SYNE2: variants seen among roughly 807,000 people sequenced by gnomAD.
SYNE2 encodes nesprin-2.
Under a neutral mutation model 856.3 loss-of-function variants are expected in SYNE2, and 431 were observed. That is an observed-to-expected ratio of 0.50 (90% CI 0.47 to 0.55). The LOEUF (loss-of-function observed/expected upper bound fraction) is 0.55. Ranked by LOEUF, SYNE2 falls within the 20% of genes least tolerant of loss-of-function variation. The pLI, the probability that SYNE2 is intolerant of heterozygous loss-of-function variation, is 0.00. For synonymous variants in SYNE2, 2,923 were observed against 2,872.3 expected (o/e 1.02, Z -0.56); for missense variants, 8,129 against 8,023.2 (o/e 1.01, Z -0.50).
intron 96 of SYNE2, among the ~76,000 whole-genome samples, chr14:64,183,091 CGGGCGG>C (rs2153741709): frequency 7.1e-6 from 1 of 141,454 alleles, no homozygotes; most frequent in African/African-American, 2.9e-5. Flanking sequence ...GGGCGGCTGC[CGGGCGG>C]AGGGGCTCCT....
At chr14:64,129,638 G>A (rs2153678085) in intron 74 of SYNE2, 144 bp from the exon 75 acceptor site, 1 of 1,153,178 alleles carries the variant, frequency 8.7e-7, no homozygotes, top group South Asian at 1.4e-5. Context: ...GATTGTTAAG[G>A]AGAGCAGGAG....
At position 64,225,882 on chromosome 14, in the gene SYNE2, T is replaced by C. The variant is rs1020451346; in HGVS notation, c.*356T>C. ...TAGGTATGGTCAATGAGCAGTGGTG[T>C]CCATCACATATATTATAGAAGCAAG... On this transcript the variant is annotated 3_prime_UTR_variant, in exon 116 of 116. Transcript: ENST00000555002. 3.9e-6 allele frequency: 2 copies of C among 516,988 alleles called. No individual in the cohort carries two copies. The highest frequency in any genetic ancestry group is 3.8e-5 in the African/African-American group (2 of 52,700). The allele number at this position is 516,988 out of a possible 1,614,324, so 32.0% of individuals were successfully genotyped here.
chr14:64,202,880 C>G lies in SYNE2; in HGVS notation c.18118C>G (p.Arg6040Gly). The G allele has an allele frequency of 6.2e-7, 1 of 1,614,072 alleles. No homozygotes were observed. The highest frequency in any genetic ancestry group is 8.5e-7 in the Non-Finnish European group (1 of 1,180,022). Residue 6040 changes from arginine (R) to glycine (G), a missense_variant, in exon 100 of 116, where the codon CGA becomes GGA. Arg to Gly is a moderately radical substitution (Grantham distance 125, BLOSUM62 -2). Around this residue, in one of 3 missense-constraint regions of SYNE2, gnomAD observed 5,410 missense variants for 5,284.8 expected, o/e 1.02. Transcript: ENST00000555002. Reference sequence around the variant, plus strand: ...GAGCAACCTTCGCACCTGGTTGGCTCGAATTGAGTCTGAGCTTTCCAAGCC... The same window carrying G: ...GAGCAACCTTCGCACCTGGTTGGCTGGAATTGAGTCTGAGCTTTCCAAGCC... ...NMSNLRTWLA[R>G]IESELSKPVV... is the part of the protein sequence containing the mutation.
chr14:64,042,746 A>G (rs566295235), intron 45 of SYNE2, among the ~76,000 whole-genome samples: 124 of 130,064 alleles, frequency 9.5e-4, no homozygotes, highest in African/African-American at 3.1e-3. Context: ...GGAACTGTAA[A>G]TCCATTAAAC....
Position 64,102,021 on chromosome 14 carries a change from A to T in SYNE2, c.12471A>T (p.Ser4157=), listed in dbSNP as rs775631938. 2 of 1,613,596 alleles carry T rather than the reference A, an allele frequency of 1.2e-6. No homozygotes were observed. Among genetic ancestry groups the T allele is most frequent in the South Asian group, 1.1e-5 (1 of 91,064 alleles). Residue 4157 remains serine, a synonymous_variant, in exon 64 of 116, where the codon TCA becomes TCT. Coordinates refer to ENST00000555002, the MANE Select transcript of SYNE2 (RefSeq NM_182914.3). ...DKDMEEDRAS[S]SSGTIVQEAY... Reference sequence around the variant, plus strand: ...ACATGGAAGAAGACAGAGCTTCCTCATCCTCTGGAACAATTGTTCAGGTAA... The same window carrying T: ...ACATGGAAGAAGACAGAGCTTCCTCTTCCTCTGGAACAATTGTTCAGGTAA...
At chr14:63,814,240 A>G (rs1304128850) in intron 1 of SYNE2, among the ~76,000 whole-genome samples, 2 of 151,846 alleles carry the variant, frequency 1.3e-5, no homozygotes, top group Non-Finnish European at 2.9e-5. Flanking sequence ...ACTGCACTCC[A>G]GTCTGGGCCA....
chr14:63,994,115 C>A, intron 22 of SYNE2, 146 bp downstream of exon 22: 2 of 806,600 alleles, frequency 2.5e-6, no homozygotes, highest in Non-Finnish European at 4.0e-6. Flanking sequence ...AGGGTTCATA[C>A]AGAGTTTCAT....
chr14:63,912,487 C>A (rs1320012918), intron 2 of SYNE2, among the ~76,000 whole-genome samples: 1 of 152,098 alleles, frequency 6.6e-6, no homozygotes, highest in African/African-American at 2.4e-5. Context: ...CTTAATGATC[C>A]CTGGGGTAAT....
At chr14:63,823,192 T>G (rs1889290696) in intron 1 of SYNE2, among the ~76,000 whole-genome samples, 1 of 152,094 alleles carries the variant, frequency 6.6e-6, no homozygotes, top group Admixed American at 6.6e-5. Flanking sequence ...CTTTTTTTTT[T>G]TTTGAGACGG....
At position 64,212,960 on chromosome 14, in the gene SYNE2, T is replaced by C. The variant is rs761432348; in HGVS notation, c.19011T>C (p.Phe6337=). The C allele has an allele frequency of 2.5e-6, 4 of 1,614,036 alleles. No individual in the cohort carries two copies. The highest frequency in any genetic ancestry group is 3.3e-5 in the Admixed American group (2 of 60,004). Reference sequence around the variant, plus strand: ...TCCACCGCTACTGCCAGGAGGTGTTTGGAAGGGTCTCCCGGTTCCACCGGC... The same window carrying C: ...TCCACCGCTACTGCCAGGAGGTGTTCGGAAGGGTCTCCCGGTTCCACCGGC... ...EELHRYCQEV[F]GRVSRFHRRL... is the part of the protein sequence containing the mutation. The change falls in exon 105 of 116, where the codon TTT becomes TTC. Residue 6337 remains phenylalanine, a synonymous_variant. Transcript: ENST00000555002.
intron 1 of SYNE2, among the ~76,000 whole-genome samples, chr14:63,877,657 A>G (rs1362271095): frequency 1.3e-5 from 2 of 152,208 alleles, no homozygotes; most frequent in Non-Finnish European, 2.9e-5. Context: ...GGAATGTTGA[A>G]AGTCAGCAAG....
chr14:63,821,344 G>A (rs969431331), intron 1 of SYNE2, among the ~76,000 whole-genome samples: 1 of 151,892 alleles, frequency 6.6e-6, no homozygotes, highest in Non-Finnish European at 1.5e-5. Flanking sequence ...TTAAAATTTG[G>A]TACATAAGCA....
chr14:63,843,910 G>C (rs1273418656), intron 1 of SYNE2, among the ~76,000 whole-genome samples: 15 of 152,080 alleles, frequency 9.9e-5, no homozygotes, highest in Admixed American at 9.8e-4. Context: ...AAATTGAGTG[G>C]AAAGTACAGA....
chr14:64,211,890 G>A (rs1027172510), intron 103 of SYNE2, 71 bp from the exon 104 acceptor site: 2 of 1,609,780 alleles, frequency 1.2e-6, no homozygotes, highest in East Asian at 4.5e-5. Flanking sequence ...GTGGCCGAAG[G>A]TGGCCTTGCT....
chr14:63,855,330 C>T (rs1195529636), intron 1 of SYNE2, among the ~76,000 whole-genome samples: 1 of 152,106 alleles, frequency 6.6e-6, no homozygotes, highest in Non-Finnish European at 1.5e-5. Flanking sequence ...TGTTCAAAAC[C>T]CTCCATTGGC....
intron 1 of SYNE2, among the ~76,000 whole-genome samples, chr14:63,866,155 C>T (rs760454942): frequency 2.6e-5 from 4 of 152,154 alleles, no homozygotes; most frequent in African/African-American, 4.8e-5. Context: ...GTTTCCTCTC[C>T]GCTGGTGAAC....
intron 11 of SYNE2, among the ~76,000 whole-genome samples, chr14:63,971,423 T>A (rs1159436134): frequency 6.6e-6 from 1 of 152,070 alleles, no homozygotes; most frequent in Non-Finnish European, 1.5e-5. Context: ...CCCTTAGAGT[T>A]GTACAATATC....
In SYNE2 at chr14:64,011,825, ACTT is replaced by A. The variant is rs1413973269; in HGVS notation, c.4728+1716_4728+1718del. 5.9e-5 allele frequency among the ~76,000 whole-genome samples: 9 copies of A among 151,976 alleles called. No individual in the cohort carries two copies. The East Asian group carries it at 1.2e-3, about 20-fold the overall frequency. On this transcript the variant is annotated intron_variant, in intron 32 of 115. Coordinates refer to ENST00000555002, the MANE Select transcript of SYNE2 (RefSeq NM_182914.3). ...GATAAGTTACTTATCTGACTAATAA[ACTT>A]CTTCTTGTCACCTCCAGGGAGCTGA...
chr14:63,819,779 A>ATG, intron 1 of SYNE2, among the ~76,000 whole-genome samples: 1 of 149,246 alleles, frequency 6.7e-6, no homozygotes. Context: ...CTCGTGATCC[A>ATG]CCCGCCTCGG....
Sources: gnomAD v4.1 joint callset for allele counts (sites outside exome capture counted in the v4.1 genomes callset) on GRCh38, gnomAD v4.1.1 for gene constraint, gnomAD v4.1.1 regional missense constraint, MANE v1.5 for transcripts, NCBI Gene and HGNC (gene_info 2026-07-23, HGNC 2026-07-21) for gene names.